CHST15: variants seen among roughly 807,000 people sequenced by gnomAD.
The protein encoded by CHST15 is B cell RAG associated protein (GALNAC4S-6ST).
A neutral mutation model predicts 53.6 loss-of-function variants in CHST15; 30 were observed. The ratio of observed to expected loss-of-function variants is 0.56; its 90% CI spans 0.42 to 0.76. CHST15 has a LOEUF of 0.76. Ranked by LOEUF, CHST15 falls within the 30% of genes least tolerant of loss-of-function variation. CHST15 has a pLI of 0.00. For missense variants in CHST15, 627 were observed against 740.5 expected (o/e 0.85, Z 1.78); for synonymous variants, 296 against 289.8 (o/e 1.02, Z -0.22).
At chr10:124,026,376 T>C in intron 5 of CHST15, among the ~76,000 whole-genome samples, 1 of 152,110 alleles carries the variant, frequency 6.6e-6, no homozygotes, top group East Asian at 1.9e-4. Context: ...GTTAATAATC[T>C]TGGGTGGGGG....
At chr10:124,056,688 G>A (rs775955188) in intron 1 of CHST15, among the ~76,000 whole-genome samples, 1 of 152,240 alleles carries the variant, frequency 6.6e-6, no homozygotes, top group South Asian at 2.1e-4. Flanking sequence ...GCCCCGGTGC[G>A]CAGCCCCCAA....
Position 124,007,939 on chromosome 10 carries a change from C to T in CHST15, c.*2210G>A, listed in dbSNP as rs569631937. 8.6e-5 allele frequency: 106 copies of T among 1,231,272 alleles called. No homozygotes were observed. The East Asian group carries it at 1.8e-3, about 21-fold the overall frequency. The allele number at this position is 1,231,272 out of a possible 1,614,324, so 76.3% of individuals were successfully genotyped here. On this transcript the variant is annotated 3_prime_UTR_variant, in exon 8 of 8. Coordinates refer to ENST00000435907, the MANE Select transcript of CHST15 (RefSeq NM_001270764.2). Reference sequence around the variant, plus strand: ...CGGAACCTATTCTGTCAGCAAGAGCCGGGCCTCGAATGAGAGGAAGCAGAG... The same window carrying T: ...CGGAACCTATTCTGTCAGCAAGAGCTGGGCCTCGAATGAGAGGAAGCAGAG...
rs1948016743 is a variant in CHST15 at position 124,046,717 on chromosome 10, CA to C, written c.-506del. ...GTGGGGCGCAAACTTTAAAAAATGC[CA>C]GATTTCCTACACAGAAAGACAAGAA... On this transcript the variant is annotated 5_prime_UTR_variant, in exon 2 of 8. Coordinates refer to ENST00000435907, the MANE Select transcript of CHST15 (RefSeq NM_001270764.2). 6.5e-6 allele frequency: 1 copy of C among 152,702 alleles called. No individual in the cohort carries two copies. The highest frequency in any genetic ancestry group is 2.4e-5 in the African/African-American group (1 of 41,422). The allele number at this position is 152,702 out of a possible 1,614,324, so 9.5% of individuals were successfully genotyped here.
intron 2 of CHST15, 79 bp downstream of exon 2, chr10:124,045,588 C>T: frequency 7.3e-7 from 1 of 1,372,160 alleles, no homozygotes; most frequent in South Asian, 1.4e-5. Flanking sequence ...CTTCTGTGTT[C>T]CCAAAGATGG....
intron 1 of CHST15, among the ~76,000 whole-genome samples, chr10:124,080,580 G>A (rs1949202382): frequency 6.6e-6 from 1 of 152,190 alleles, no homozygotes; most frequent in African/African-American, 2.4e-5. Context: ...GTACACAGCA[G>A]GGCCTCAATA....
At chr10:124,088,178 C>T (rs990441282) in intron 1 of CHST15, among the ~76,000 whole-genome samples, 17 of 152,236 alleles carry the variant, frequency 1.1e-4, no homozygotes, top group Non-Finnish European at 2.2e-4. Flanking sequence ...GAAAAGACAC[C>T]CGCCCTCAAG....
chr10:124,071,861 C>T (rs755413501), intron 1 of CHST15, among the ~76,000 whole-genome samples: 3 of 152,138 alleles, frequency 2.0e-5, no homozygotes, highest in Non-Finnish European at 4.4e-5. Context: ...GTAAAATTTC[C>T]ATTCTTCGGC....
At chr10:124,027,130 T>C (rs1590207838) in intron 5 of CHST15, among the ~76,000 whole-genome samples, 1 of 152,216 alleles carries the variant, frequency 6.6e-6, no homozygotes, top group East Asian at 1.9e-4. Flanking sequence ...TAAGTCCAAA[T>C]GCATTCCAGG....
intron 5 of CHST15, among the ~76,000 whole-genome samples, chr10:124,028,881 C>T: frequency 6.6e-6 from 1 of 151,948 alleles, no homozygotes; most frequent in East Asian, 1.9e-4. Context: ...GCTGGCCCCA[C>T]CTCCCCGTGC....
intron 6 of CHST15, chr10:124,020,885 C>A: frequency 7.8e-7 from 1 of 1,275,748 alleles, no homozygotes; most frequent in Non-Finnish European, 9.9e-7. Context: ...TTTAAACCAA[C>A]AAAACAATCC....
In CHST15 at chr10:124,009,390, T is replaced by G; in HGVS notation, c.*759A>C. On this transcript the variant is annotated 3_prime_UTR_variant, in exon 8 of 8. Coordinates refer to ENST00000435907, the MANE Select transcript of CHST15 (RefSeq NM_001270764.2). Reference sequence around the variant, plus strand: ...TTGTTTTAAACGCATTCATTTTCTATGTTAAACATAAGTCCACAAGGACAG... The same window carrying G: ...TTGTTTTAAACGCATTCATTTTCTAGGTTAAACATAAGTCCACAAGGACAG... The G allele has an allele frequency of 1.3e-5, 13 of 1,010,548 alleles. No homozygotes were observed. Among genetic ancestry groups the G allele is most frequent in the Non-Finnish European group, 1.5e-5 (13 of 843,964 alleles). The allele number at this position is 1,010,548 out of a possible 1,614,324, so 62.6% of individuals were successfully genotyped here.
intron 1 of CHST15, among the ~76,000 whole-genome samples, chr10:124,057,312 G>A (rs541164124): frequency 1.5e-4 from 23 of 152,208 alleles, no homozygotes; most frequent in Non-Finnish European, 2.6e-4. Flanking sequence ...TTTGCAGTGA[G>A]CGTTGACTAG....
Position 124,019,636 on chromosome 10 carries a change from C to T in CHST15, c.1347+1620G>A, listed in dbSNP as rs1158763575. The T allele has an allele frequency of 7.4e-6, 3 of 405,998 alleles. No individual in the cohort carries two copies. Among genetic ancestry groups the T allele is most frequent in the Non-Finnish European group, 1.0e-5 (3 of 300,326 alleles). The allele number at this position is 405,998 out of a possible 1,614,324, so 25.1% of individuals were successfully genotyped here. On this transcript the variant is annotated intron_variant, in intron 6 of 7. Transcript: ENST00000435907. This position sits in a 1 kb window ranked among gnomAD's most constrained non-coding sequence, Gnocchi z 4.6. ...TCCCTCCCGGGTTACATGAAATTTA[C>T]GTTAAACAAGTATGTGTGCTTTCTC...
At chr10:124,023,357 G>A (rs931768462) in intron 5 of CHST15, among the ~76,000 whole-genome samples, 11 of 151,858 alleles carry the variant, frequency 7.2e-5, no homozygotes, top group Non-Finnish European at 1.6e-4. Flanking sequence ...GTGGTGGTGC[G>A]TGCCTGTAGT....
chr10:124,021,208 C>T (rs1946767191), intron 6 of CHST15, 48 bp downstream of exon 6: 10 of 1,552,126 alleles, frequency 6.4e-6, no homozygotes, highest in Non-Finnish European at 8.7e-6. Flanking sequence ...AAACCAGCTC[C>T]TTCTGCCAGG....
Position 124,019,808 on chromosome 10 carries a change from A to T in CHST15, c.1347+1448T>A. On this transcript the variant is annotated intron_variant, in intron 6 of 7. Coordinates refer to ENST00000435907, the MANE Select transcript of CHST15 (RefSeq NM_001270764.2). The surrounding 1 kb of genome is among the most constrained non-coding windows in gnomAD (Gnocchi z 4.6). ...TCTAGACTTCTTCTGAGGCTAGACC[A>T]GGTGGTGCGGCCCCATGTGCCACGC... 1.0e-6 allele frequency: 1 copy of T among 985,540 alleles called. No homozygotes were observed. The highest frequency in any genetic ancestry group is 4.7e-5 in the South Asian group (1 of 21,290). 61.0% of individuals were successfully genotyped at this position (985,540 alleles called of 1,614,324 possible). A position where few individuals can be genotyped will look rare whatever the true frequency, so the allele number is the denominator to read the frequency against.
intron 1 of CHST15, among the ~76,000 whole-genome samples, chr10:124,069,197 C>T (rs908431163): frequency 2.0e-5 from 3 of 152,254 alleles, no homozygotes; most frequent in African/African-American, 7.2e-5. Context: ...CACAGATCAA[C>T]ATCCCGTTTG....
chr10:124,072,352 C>T (rs1039301017), intron 1 of CHST15, among the ~76,000 whole-genome samples: 5 of 152,192 alleles, frequency 3.3e-5, no homozygotes, highest in Non-Finnish European at 5.9e-5. Flanking sequence ...CACCTGCATT[C>T]GGAGTTCTCC....
intron 5 of CHST15, among the ~76,000 whole-genome samples, chr10:124,028,514 G>A (rs907719539): frequency 1.2e-4 from 19 of 152,172 alleles, no homozygotes; most frequent in African/African-American, 4.3e-4. Flanking sequence ...CAATTCGCCA[G>A]TTTTTAGTAT....
Sources: gnomAD v4.1 joint callset for allele counts (sites outside exome capture counted in the v4.1 genomes callset) on GRCh38, gnomAD v4.1.1 for gene constraint, Gnocchi (gnomAD v3.1) non-coding constraint, MANE v1.5 for transcripts, NCBI Gene and HGNC (gene_info 2026-07-23, HGNC 2026-07-21) for gene names.